The following PAQR9 variants were observed in gnomAD, a reference collection of about 807,000 sequenced individuals.
PAQR9 encodes the protein membrane progestin receptor epsilon.
A neutral mutation model predicts 24.0 loss-of-function variants in PAQR9; 12 were observed. The observed-to-expected ratio is 0.50, with a 90% CI of 0.32 to 0.81. The LOEUF (loss-of-function observed/expected upper bound fraction) is 0.81. PAQR9 is among the 30% of genes least tolerant of loss of function. The probability of loss-of-function intolerance (pLI) is 0.03; values close to 1 mark genes in which losing one functional copy is unlikely to be tolerated. For missense variants in PAQR9, 418 were observed against 520.8 expected (o/e 0.80, Z 1.92); for synonymous variants, 266 against 237.6 (o/e 1.12, Z -1.10).
rs1934839429 is a variant in PAQR9 at position 142,958,944 on chromosome 3, A to G, written c.*3259T>C. Among the ~76,000 whole-genome samples the G allele has an allele frequency of 6.6e-6, 1 of 152,238 alleles. No individual in the cohort carries two copies. Among genetic ancestry groups the G allele is most frequent in the Non-Finnish European group, 1.5e-5 (1 of 68,048 alleles). ...TTAGCCAACTAAGTCAGTCTGAGTCAGCCCCAGAGACCAACCCACGGGGTG... is the reference window on the plus strand; with the variant it reads ...TTAGCCAACTAAGTCAGTCTGAGTCGGCCCCAGAGACCAACCCACGGGGTG... On this transcript the variant is annotated 3_prime_UTR_variant, in exon 1 of 1. Coordinates refer to ENST00000340634, the MANE Select transcript of PAQR9 (RefSeq NM_198504.4).
Position 142,960,516 on chromosome 3 carries a change from GC to G in PAQR9, c.*1686del, listed in dbSNP as rs542811773. The stretch of plus-strand genomic sequence containing the variant: ...GAAGTACAGCTGGCTGGGTATGAGG[GC>G]CACCCACTCCTCCTGCTGAGCCAGT... On this transcript the variant is annotated 3_prime_UTR_variant, in exon 1 of 1. Transcript: ENST00000340634. The G allele has an allele frequency of 6.6e-6, 1 of 152,642 alleles. No homozygotes were observed. The highest frequency in any genetic ancestry group is 1.5e-5 in the Non-Finnish European group (1 of 68,088). The allele number at this position is 152,642 out of a possible 1,614,324, so 9.5% of individuals were successfully genotyped here.
downstream of PAQR9, chr3:142,952,970 G>C (rs116376939): frequency 1.4e-5 from 6 of 440,768 alleles, no homozygotes; most frequent in Non-Finnish European, 2.3e-5. Flanking sequence ...AGGCTCAAGA[G>C]ATACGAGACA....
downstream of PAQR9, among the ~76,000 whole-genome samples, chr3:142,951,177 A>G (rs1032556880): frequency 2.0e-5 from 3 of 152,092 alleles, no homozygotes; most frequent in African/African-American, 7.2e-5. Context: ...TGGCCTCCCA[A>G]AGTGCTGGGA....
rs1013859882 is a variant in PAQR9 at position 142,957,289 on chromosome 3, A to G, written c.*4914T>C. Among the ~76,000 whole-genome samples, 2 of 152,320 alleles carry G rather than the reference A, an allele frequency of 1.3e-5. No individual in the cohort carries two copies. The highest frequency in any genetic ancestry group is 2.1e-4 in the South Asian group (1 of 4,832). On this transcript the variant is annotated 3_prime_UTR_variant, in exon 1 of 1. Transcript: ENST00000340634. ...GAACACTAACACCCTGGGAGTTCAC[A>G]TGCTTTTCTAAGGACAAAATTTAAA...
chr3:142,956,301 C>A lies in PAQR9; in HGVS notation c.*5902G>T, dbSNP rs147741665. Reference sequence around the variant, plus strand: ...CATCTTTACAGCACGGCCAAATGACCACCTGAAGACCCCCCATTCTGCCTT... The same window carrying A: ...CATCTTTACAGCACGGCCAAATGACAACCTGAAGACCCCCCATTCTGCCTT... On this transcript the variant is annotated 3_prime_UTR_variant, in exon 1 of 1. Transcript: ENST00000340634. Among the ~76,000 whole-genome samples, 151 of 152,252 alleles carry A rather than the reference C, an allele frequency of 9.9e-4. No individual in the cohort carries two copies. Among genetic ancestry groups the A allele is most frequent in the African/African-American group, 3.6e-3 (149 of 41,542 alleles).
chr3:142,963,326 C>T lies in PAQR9; in HGVS notation c.11G>A (p.Arg4His). Residue 4 changes from arginine (R) to histidine (H), a missense_variant, in exon 1 of 1, where the codon CGC becomes CAC. Transcript: ENST00000340634. ...TGTGCCCGCGCCCCGGGGCTGCAGGCGCCGCGGCATGGTGCCCGGGGCTCG... is the reference window on the plus strand; with the variant it reads ...TGTGCCCGCGCCCCGGGGCTGCAGGTGCCGCGGCATGGTGCCCGGGGCTCG... MPRRLQPRGAGTKG... is the reference protein window; with the variant it reads MPRHLQPRGAGTKG... 7.3e-7 allele frequency: 1 copy of T among 1,367,350 alleles called. No homozygotes were observed. The highest frequency in any genetic ancestry group is 1.7e-5 in the South Asian group (1 of 58,544). 84.7% of individuals were successfully genotyped at this position (1,367,350 alleles called of 1,614,324 possible). A position where few individuals can be genotyped will look rare whatever the true frequency, so the allele number is the denominator to read the frequency against.
At position 142,960,738 on chromosome 3, in the gene PAQR9, A is replaced by G. The variant is rs1395958168; in HGVS notation, c.*1465T>C. 6.6e-6 allele frequency: 1 copy of G among 152,236 alleles called. No homozygotes were observed. 9.4% of individuals were successfully genotyped at this position (152,236 alleles called of 1,614,324 possible). A position where few individuals can be genotyped will look rare whatever the true frequency, so the allele number is the denominator to read the frequency against. On this transcript the variant is annotated 3_prime_UTR_variant, in exon 1 of 1. Transcript: ENST00000340634. ...AAGAAATGTCTAAATAACATTGGCTAATCTGTTTGTTAGAAAGGATCTCAG... is the reference window on the plus strand; with the variant it reads ...AAGAAATGTCTAAATAACATTGGCTGATCTGTTTGTTAGAAAGGATCTCAG...
At position 142,959,292 on chromosome 3, in the gene PAQR9, C is replaced by T. The variant is rs1387308128; in HGVS notation, c.*2911G>A. On this transcript the variant is annotated 3_prime_UTR_variant, in exon 1 of 1. Transcript: ENST00000340634. ...AATGTGTAATAAACCTGGATAGTTC[C>T]GTGCAAATGGGGAGATTCAAAGTAA... 2.6e-5 allele frequency among the ~76,000 whole-genome samples: 4 copies of T among 152,102 alleles called. No individual in the cohort carries two copies. The highest frequency in any genetic ancestry group is 7.2e-5 in the African/African-American group (3 of 41,404).
At chr3:142,953,955 G>C (rs1283489664), downstream of PAQR9, among the ~76,000 whole-genome samples, 1 of 152,186 alleles carries the variant, frequency 6.6e-6, no homozygotes, top group Non-Finnish European at 1.5e-5. Flanking sequence ...TGGAGAGGCA[G>C]GGGTTTCTCA....
downstream of PAQR9, among the ~76,000 whole-genome samples, chr3:142,952,562 T>C (rs1934730388): frequency 6.6e-6 from 1 of 152,158 alleles, no homozygotes; most frequent in African/African-American, 2.4e-5. Context: ...AATTGTAAAA[T>C]GAAGGAAATG....
chr3:142,954,381 CTAATA>C (rs1407146080), downstream of PAQR9, among the ~76,000 whole-genome samples: 1 of 152,152 alleles, frequency 6.6e-6, no homozygotes, highest in Non-Finnish European at 1.5e-5. Context: ...TTTAATTTAT[CTAATA>C]TGATAAAAAA....
rs1934898852 is a variant in PAQR9, at chr3:142,961,986, A to G, written c.*217T>C. 3.6e-6 allele frequency: 2 copies of G among 556,522 alleles called. No homozygotes were observed. Among genetic ancestry groups the G allele is most frequent in the Non-Finnish European group, 3.2e-6 (1 of 315,886 alleles). The allele number at this position is 556,522 out of a possible 1,614,324, so 34.5% of individuals were successfully genotyped here. On this transcript the variant is annotated 3_prime_UTR_variant, in exon 1 of 1. Transcript: ENST00000340634. Reference sequence around the variant, plus strand: ...TTTCCAGGGGCAAGAACAAGTGACTATCTCCCTCCCGCTTGACCACCCCTG... The same window carrying G: ...TTTCCAGGGGCAAGAACAAGTGACTGTCTCCCTCCCGCTTGACCACCCCTG...
In PAQR9 at chr3:142,963,216, CAGACGCTGGGG is replaced by C. The variant is rs1560160320; in HGVS notation, c.110_120del (p.Pro37ArgfsTer336). The C allele has an allele frequency of 6.4e-7, 1 of 1,564,290 alleles. No homozygotes were observed. Among genetic ancestry groups the C allele is most frequent in the South Asian group, 1.2e-5 (1 of 85,590 alleles). On this transcript the variant is annotated frameshift_variant, in exon 1 of 1. Coordinates refer to ENST00000340634, the MANE Select transcript of PAQR9 (RefSeq NM_198504.4). LOFTEE classifies it high-confidence loss of function. ...TCGTCCCAGCGCAGCAGCGGCTTGG[CAGACGCTGGGG>C]GGTCCCGGGAGGCGGCAGAGTGGGA...
downstream of PAQR9, among the ~76,000 whole-genome samples, chr3:142,954,301 A>C (rs1934760440): frequency 6.6e-6 from 1 of 152,240 alleles, no homozygotes; most frequent in African/African-American, 2.4e-5. Context: ...GGAAGAAAAC[A>C]TTTCATAACC....
chr3:142,953,958 G>A (rs576642232), downstream of PAQR9, among the ~76,000 whole-genome samples: 9 of 152,294 alleles, frequency 5.9e-5, no homozygotes, highest in South Asian at 2.1e-4. Flanking sequence ...AGAGGCAGGG[G>A]TTTCTCACCA....
downstream of PAQR9, among the ~76,000 whole-genome samples, chr3:142,954,213 C>CA (rs1182193268): frequency 1.3e-5 from 2 of 152,224 alleles, no homozygotes; most frequent in Non-Finnish European, 2.9e-5. Context: ...TAAGTTCACA[C>CA]ACATCACCAA....
rs1456916291 is a variant in PAQR9 at position 142,958,022 on chromosome 3, G to A, written c.*4181C>T. Among the ~76,000 whole-genome samples, 1 of 152,176 alleles carries A rather than the reference G, an allele frequency of 6.6e-6. No homozygotes were observed. The highest frequency in any genetic ancestry group is 2.4e-5 in the African/African-American group (1 of 41,428). On this transcript the variant is annotated 3_prime_UTR_variant, in exon 1 of 1. Transcript: ENST00000340634. Reference sequence around the variant, plus strand: ...TTCCACCAGAAGACAAAAGGGTAATGGCTGTAATAATACGGATGGGTCCTT... The same window carrying A: ...TTCCACCAGAAGACAAAAGGGTAATAGCTGTAATAATACGGATGGGTCCTT...
rs542918566 is a variant in PAQR9, at chr3:142,956,726, G to C, written c.*5477C>G. 6.6e-6 allele frequency among the ~76,000 whole-genome samples: 1 copy of C among 152,280 alleles called. No individual in the cohort carries two copies. Among genetic ancestry groups the C allele is most frequent in the South Asian group, 2.1e-4 (1 of 4,822 alleles). ...CTGCAACTTGCTCACAGATTCTTAA[G>C]GAGCCACTCTAGAACAAAAATGCCT... On this transcript the variant is annotated 3_prime_UTR_variant, in exon 1 of 1. Transcript: ENST00000340634.
downstream of PAQR9, chr3:142,950,612 T>G (rs1215414901): frequency 2.3e-6 from 1 of 433,918 alleles, no homozygotes; most frequent in Non-Finnish European, 4.6e-6. Context: ...AATAAAGAAA[T>G]AATGTATTGA....
Sources: gnomAD v4.1 joint callset for allele counts (sites outside exome capture counted in the v4.1 genomes callset) on GRCh38, gnomAD v4.1.1 for gene constraint, MANE v1.5 for transcripts, NCBI Gene and HGNC (gene_info 2026-07-23, HGNC 2026-07-21) for gene names.